Variants in CCSER1 observed in about 807,000 individuals in gnomAD.
The protein encoded by CCSER1 is coiled-coil serine rich protein 1.
A neutral mutation model predicts 82.0 loss-of-function variants in CCSER1; 41 were observed. That is an observed-to-expected ratio of 0.50 (90% CI 0.39 to 0.65). The LOEUF (loss-of-function observed/expected upper bound fraction) is 0.65. Ranked by LOEUF, CCSER1 falls within the 30% of genes least tolerant of loss-of-function variation. CCSER1 has a pLI of 0.00. For synonymous variants in CCSER1, 414 were observed against 383.9 expected (o/e 1.08, Z -0.92); for missense variants, 1,119 against 1,064.2 (o/e 1.05, Z -0.72).
intron 10 of CCSER1, chr4:91,319,772 T>C (rs989270588): frequency 2.2e-6 from 1 of 454,838 alleles, no homozygotes; most frequent in East Asian, 7.0e-5. Context: ...CAGCTGCTTC[T>C]CTTATGCTCT....
At chr4:90,478,458 G>T (rs146724614) in intron 5 of CCSER1, among the ~76,000 whole-genome samples, 3 of 152,048 alleles carry the variant, frequency 2.0e-5, no homozygotes, top group Non-Finnish European at 2.9e-5. Context: ...GCATAATTAC[G>T]TGTTGAATAT....
At chr4:90,381,806 T>C (rs1356904670) in intron 3 of CCSER1, among the ~76,000 whole-genome samples, 2 of 152,138 alleles carry the variant, frequency 1.3e-5, no homozygotes, top group Admixed American at 6.5e-5. Flanking sequence ...AAAATTTCAA[T>C]TTGTTTAATT....
chr4:90,492,319 T>C (rs1768171474), intron 5 of CCSER1, among the ~76,000 whole-genome samples: 1 of 152,188 alleles, frequency 6.6e-6, no homozygotes, highest in Admixed American at 6.5e-5. Flanking sequence ...GTGTTTATAG[T>C]ATTCTCTAAT....
At chr4:90,732,064 T>TC (rs1744858436) in intron 7 of CCSER1, among the ~76,000 whole-genome samples, 1 of 148,634 alleles carries the variant, frequency 6.7e-6, no homozygotes, top group Non-Finnish European at 1.5e-5. Context: ...TCTCTCTCAC[T>TC]GCTCTATTCT....
At chr4:91,380,052 C>A (rs1750756696) in intron 10 of CCSER1, among the ~76,000 whole-genome samples, 1 of 152,088 alleles carries the variant, frequency 6.6e-6, no homozygotes. Context: ...TGTAGTTGAG[C>A]AGTTTTGAGT....
At chr4:90,907,729 ACT>A (rs2150177122) in intron 8 of CCSER1, among the ~76,000 whole-genome samples, 1 of 151,982 alleles carries the variant, frequency 6.6e-6, no homozygotes, top group South Asian at 2.1e-4. Context: ...TTCTCTTTGT[ACT>A]GTTTTTTTTT....
chr4:91,039,332 T>C (rs1165180182), intron 9 of CCSER1, among the ~76,000 whole-genome samples: 1 of 152,086 alleles, frequency 6.6e-6, no homozygotes, highest in Admixed American at 6.6e-5. Flanking sequence ...CATGAGCCAC[T>C]GCACCCAGCT....
At chr4:90,771,248 A>T (rs1752110375) in intron 7 of CCSER1, among the ~76,000 whole-genome samples, 2 of 152,026 alleles carry the variant, frequency 1.3e-5, no homozygotes, top group African/African-American at 4.8e-5. Flanking sequence ...AAAATATGAA[A>T]TATTATTTTT....
chr4:91,192,687 G>C (rs191750588), intron 10 of CCSER1, among the ~76,000 whole-genome samples: 1 of 152,140 alleles, frequency 6.6e-6, no homozygotes, highest in Non-Finnish European at 1.5e-5. Flanking sequence ...TGTTGACAAA[G>C]ATTCTGTCTT....
At chr4:90,648,035 CT>C (rs907304201) in intron 6 of CCSER1, among the ~76,000 whole-genome samples, 1 of 152,006 alleles carries the variant, frequency 6.6e-6, no homozygotes, top group South Asian at 2.1e-4. Flanking sequence ...CTTAAGGGAA[CT>C]TTTTTTCATT....
intron 10 of CCSER1, among the ~76,000 whole-genome samples, chr4:91,495,827 T>G (rs974273277): frequency 9.9e-5 from 15 of 151,788 alleles, no homozygotes; most frequent in Admixed American, 1.3e-4. Flanking sequence ...TATTATAAAT[T>G]TAAATATAGC....
intron 10 of CCSER1, among the ~76,000 whole-genome samples, chr4:91,449,097 A>G (rs938000767): frequency 5.9e-5 from 9 of 152,020 alleles, no homozygotes; most frequent in Admixed American, 1.3e-4. Context: ...TCAGAAAGAG[A>G]AAAGCAAATA....
At chr4:90,603,865 A>G (rs1579409778) in intron 5 of CCSER1, among the ~76,000 whole-genome samples, 1 of 152,162 alleles carries the variant, frequency 6.6e-6, no homozygotes, top group East Asian at 1.9e-4. Context: ...AGTCTCCTTC[A>G]TGGACACTGA....
At chr4:90,855,566 T>C (rs1328487401) in intron 8 of CCSER1, among the ~76,000 whole-genome samples, 3 of 152,188 alleles carry the variant, frequency 2.0e-5, no homozygotes, top group Admixed American at 6.5e-5. Flanking sequence ...TTTTATGTAG[T>C]GCAATCATTA....
Position 90,230,528 on chromosome 4 carries a change from C to A in CCSER1, c.-41-77716C>A, listed in dbSNP as rs1295418706. On this transcript the variant is annotated intron_variant, in intron 1 of 10. Coordinates refer to ENST00000509176, the MANE Select transcript of CCSER1 (RefSeq NM_001145065.2). ...CCCACAAGAGGAAGCAGGAAAGATC[C>A]AAAATTGACACCCTAACATCACAAT... is the stretch of plus-strand genomic sequence containing the variant. Among the ~76,000 whole-genome samples, 4 of 151,934 alleles carry A rather than the reference C, an allele frequency of 2.6e-5. No homozygotes were observed. In the South Asian group the frequency reaches 8.3e-4, roughly 32 times the overall value.
intron 10 of CCSER1, among the ~76,000 whole-genome samples, chr4:91,342,328 A>G (rs966016043): frequency 2.6e-5 from 4 of 152,184 alleles, no homozygotes; most frequent in Non-Finnish European, 5.9e-5. Flanking sequence ...CCATTACTTT[A>G]TATCTTTAAT....
At chr4:90,416,619 G>A (rs1313083199) in intron 4 of CCSER1, among the ~76,000 whole-genome samples, 1 of 152,096 alleles carries the variant, frequency 6.6e-6, no homozygotes, top group Non-Finnish European at 1.5e-5. Context: ...TGAAATTTTA[G>A]ACAGTTTTAA....
intron 10 of CCSER1, among the ~76,000 whole-genome samples, chr4:91,513,810 T>C (rs1759954233): frequency 6.6e-6 from 1 of 151,790 alleles, no homozygotes; most frequent in Admixed American, 6.6e-5. Context: ...TTTGTAATGT[T>C]ACCATTTTTT....
chr4:90,455,691 T>C (rs1259014216), intron 4 of CCSER1, among the ~76,000 whole-genome samples: 1 of 152,130 alleles, frequency 6.6e-6, no homozygotes. Context: ...ACCCATGAGG[T>C]GGGGAGGCAT....
Sources: gnomAD v4.1 joint callset for allele counts (sites outside exome capture counted in the v4.1 genomes callset) on GRCh38, gnomAD v4.1.1 for gene constraint, MANE v1.5 for transcripts, NCBI Gene and HGNC (gene_info 2026-07-23, HGNC 2026-07-21) for gene names.